The following FAM177A1 variants were observed in gnomAD, a reference collection of about 807,000 sequenced individuals.
FAM177A1 encodes protein FAM177A1.
In FAM177A1, 22 loss-of-function variants were observed where a neutral mutation model predicts 26.1. That is an observed-to-expected ratio of 0.84 (90% CI 0.60 to 1.20). FAM177A1 has a LOEUF of 1.20. Ranked by LOEUF, FAM177A1 falls within the 50% of genes most tolerant of loss-of-function variation. The pLI is 0.00. For synonymous variants in FAM177A1, 95 were observed against 99.3 expected (o/e 0.96, Z 0.26); for missense variants, 296 against 291.1 (o/e 1.02, Z -0.12).
At position 35,053,254 on chromosome 14, in the gene FAM177A1, T is replaced by A. The variant is rs755644844; in HGVS notation, c.166-24T>A. The stretch of plus-strand genomic sequence containing the variant: ...AAAATTAATCTCACTTGAAACTCAT[T>A]TTCTTAAAATATCGTTGATATAGAT... On this transcript the variant is annotated intron_variant, in intron 1 of 4. Transcript: ENST00000280987. 3.2e-6 allele frequency: 5 copies of A among 1,581,550 alleles called. No homozygotes were observed. In the African/African-American group the frequency reaches 5.5e-5, roughly 17 times the overall value.
At chr14:35,066,496 T>C (rs2045243567) in intron 2 of FAM177A1, among the ~76,000 whole-genome samples, 1 of 149,886 alleles carries the variant, frequency 6.7e-6, no homozygotes. Context: ...ACCTCTGCCC[T>C]TGGGATCAAG....
intron 2 of FAM177A1, among the ~76,000 whole-genome samples, chr14:35,058,987 C>G (rs4456414): frequency 0.34 from 51,861 of 151,776 alleles, 9,014 homozygotes; most frequent in East Asian, 0.41. Context: ...CCAGGCTGGA[C>G]TGCAGTGGCA....
At chr14:35,053,602 A>G (rs1231168196) in intron 2 of FAM177A1, 151 bp downstream of exon 2, 2 of 746,480 alleles carry the variant, frequency 2.7e-6, no homozygotes, top group Non-Finnish European at 4.4e-6. Flanking sequence ...AGAAAATAAT[A>G]TTTTTACATG....
intron 1 of FAM177A1, among the ~76,000 whole-genome samples, chr14:35,048,462 A>C (rs1335873030): frequency 6.6e-6 from 1 of 151,854 alleles, no homozygotes; most frequent in East Asian, 1.9e-4. Context: ...GGAATACCCC[A>C]CCACCACCCT....
chr14:35,049,064 T>A (rs2044922260), intron 1 of FAM177A1, among the ~76,000 whole-genome samples: 1 of 152,024 alleles, frequency 6.6e-6, no homozygotes, highest in Non-Finnish European at 1.5e-5. Flanking sequence ...CTAATTTTTG[T>A]ATTTTTAGTA....
rs532303828 is a variant in FAM177A1 at position 35,046,287 on chromosome 14, A to G, written c.-177A>G. The G allele has an allele frequency of 3.0e-6, 2 of 667,212 alleles. No individual in the cohort carries two copies. The highest frequency in any genetic ancestry group is 4.5e-6 in the Non-Finnish European group (2 of 445,542). The allele number at this position is 667,212 out of a possible 1,614,324, so 41.3% of individuals were successfully genotyped here. ...TGCGCCTCCCAGACTGCAGTTGGCC[A>G]GCTCTCGGGGTGCGGAGCCCGGCGG... On this transcript the variant is annotated 5_prime_UTR_variant, in exon 1 of 5. Coordinates refer to ENST00000280987, the MANE Select transcript of FAM177A1 (RefSeq NM_173607.5).
intron 2 of FAM177A1, among the ~76,000 whole-genome samples, chr14:35,074,649 A>G (rs979304446): frequency 1.3e-5 from 2 of 151,944 alleles, no homozygotes; most frequent in African/African-American, 4.8e-5. Context: ...CTTAACAGAT[A>G]TTCTTGTGTT....
At chr14:35,062,898 C>G (rs1382544118) in intron 2 of FAM177A1, among the ~76,000 whole-genome samples, 1 of 116,908 alleles carries the variant, frequency 8.6e-6, no homozygotes, top group African/African-American at 3.2e-5. Flanking sequence ...TTTTTTTTTA[C>G]TTAAGGTAAT....
At position 35,081,609 on chromosome 14, in the gene FAM177A1, A is replaced by T. The variant is rs1013536416; in HGVS notation, c.*381A>T. On this transcript the variant is annotated 3_prime_UTR_variant, in exon 5 of 5. Coordinates refer to ENST00000280987, the MANE Select transcript of FAM177A1 (RefSeq NM_173607.5). ...GGAATTGATAATTCCATAGTCTTAG[A>T]TTAAAATGAGGATATTTTCTCCTAG... 6.4e-5 allele frequency: 10 copies of T among 156,044 alleles called. No individual in the cohort carries two copies. Among genetic ancestry groups the T allele is most frequent in the African/African-American group, 2.2e-4 (9 of 41,524 alleles). 9.7% of individuals were successfully genotyped at this position (156,044 alleles called of 1,614,324 possible).
Position 35,046,366 on chromosome 14 carries a change from A to T in FAM177A1, c.-98A>T. 1 of 1,339,218 alleles carries T rather than the reference A, an allele frequency of 7.5e-7. No individual in the cohort carries two copies. Among genetic ancestry groups the T allele is most frequent in the Non-Finnish European group, 9.8e-7 (1 of 1,025,564 alleles). 83.0% of individuals were successfully genotyped at this position (1,339,218 alleles called of 1,614,324 possible). On this transcript the variant is annotated 5_prime_UTR_variant, in exon 1 of 5. Transcript: ENST00000280987. ...CCTCAGGCCGGCGAGTCCCCTTCTC[A>T]GAGACTTGGCTAGGCGCGGCGCGAG...
chr14:35,077,833 G>C (rs2045422058), intron 3 of FAM177A1, among the ~76,000 whole-genome samples: 6 of 152,042 alleles, frequency 3.9e-5, no homozygotes, highest in Admixed American at 3.9e-4. Flanking sequence ...TTTGTCATTT[G>C]GTTTCCAATT....
In FAM177A1 at chr14:35,065,177, CT is replaced by C. The variant is rs540285544; in HGVS notation, c.339+11738del. 2.3e-3 allele frequency among the ~76,000 whole-genome samples: 335 copies of C among 143,750 alleles called. 1 individual carries two copies. The highest frequency in any genetic ancestry group is 0.016 in the East Asian group (81 of 4,946). The allele number at this position is 143,750 out of a possible 152,430, so 94.3% of individuals were successfully genotyped here. A position where few individuals can be genotyped will look rare whatever the true frequency, so the allele number is the denominator to read the frequency against. ...TAACTATAATATTTTTGGAGGGAAA[CT>C]TTTTTTTTTTTGAGACGGAGTCTCT... On this transcript the variant is annotated intron_variant, in intron 2 of 4. Coordinates refer to ENST00000280987, the MANE Select transcript of FAM177A1 (RefSeq NM_173607.5).
chr14:35,054,607 G>T (rs1238239305), intron 2 of FAM177A1: 2 of 152,160 alleles, frequency 1.3e-5, no homozygotes, highest in Non-Finnish European at 2.9e-5. Context: ...CATAGTTACA[G>T]AATAGAGAAT....
Position 35,081,196 on chromosome 14 carries a change from A to G in FAM177A1, c.679A>G (p.Ser227Gly). ...GGGAGACAGTGAAGTAATTATGGAA[A>G]GCAAGCAAAATCCAGTCTCTGTCCC... ...MEGDSEVIMESKQNPVSVPP is the reference protein window; with the variant it reads ...MEGDSEVIMEGKQNPVSVPP Residue 227 changes from serine to glycine, a missense_variant, in exon 5 of 5, where the codon AGC becomes GGC. Transcript: ENST00000280987. 2 of 1,613,658 alleles carry G rather than the reference A, an allele frequency of 1.2e-6. No individual in the cohort carries two copies. Among genetic ancestry groups the G allele is most frequent in the Admixed American group, 1.7e-5 (1 of 59,956 alleles).
At chr14:35,078,842 T>G in intron 3 of FAM177A1, 85 bp from the exon 4 acceptor site, 1 of 860,846 alleles carries the variant, frequency 1.2e-6, no homozygotes, top group Non-Finnish European at 1.7e-6. Flanking sequence ...CAGTAACTCT[T>G]GTATTCCTAC....
upstream of FAM177A1, chr14:35,044,989 TAAAG>T (rs948389805): frequency 2.0e-5 from 3 of 152,148 alleles, no homozygotes; most frequent in African/African-American, 2.4e-5. Context: ...GTTTTAGTAA[TAAAG>T]ATTGTTGATT....
intron 2 of FAM177A1, chr14:35,054,513 C>T (rs1199095487): frequency 6.6e-6 from 1 of 151,992 alleles, no homozygotes; most frequent in African/African-American, 2.4e-5. Context: ...AATTTCTGCT[C>T]TCATATACTA....
At chr14:35,046,734 CCAG>C in intron 1 of FAM177A1, 106 bp downstream of exon 1, 1 of 1,421,062 alleles carries the variant, frequency 7.0e-7, no homozygotes, top group Non-Finnish European at 9.2e-7. Flanking sequence ...GCAGGCCGCC[CCAG>C]CTTTGGAGTT....
At chr14:35,051,112 A>G (rs1460601710) in intron 1 of FAM177A1, among the ~76,000 whole-genome samples, 2 of 152,008 alleles carry the variant, frequency 1.3e-5, no homozygotes, top group African/African-American at 4.8e-5. Flanking sequence ...TTTATTTTTT[A>G]AGATAGTTTA....
Sources: allele counts gnomAD v4.1 joint callset (sites outside exome capture counted in the v4.1 genomes callset), GRCh38; gene constraint gnomAD v4.1.1; transcripts MANE v1.5; gene names NCBI Gene and HGNC (gene_info 2026-07-23, HGNC 2026-07-21).